The following PSD3 variants were observed in gnomAD, a reference collection of about 807,000 sequenced individuals.
The protein encoded by PSD3 is pleckstrin and Sec7 domain containing 3.
Under a neutral mutation model 105.5 loss-of-function variants are expected in PSD3, and 49 were observed. The ratio of observed to expected loss-of-function variants is 0.46; its 90% CI spans 0.37 to 0.59. The LOEUF (loss-of-function observed/expected upper bound fraction) is 0.59. Among genes scored for constraint, PSD3 ranks in the 20% least tolerant of loss-of-function variants. The pLI is 0.00. For missense variants in PSD3, 1,561 were observed against 1,263.8 expected (o/e 1.24, Z -3.57); for synonymous variants, 557 against 457.8 (o/e 1.22, Z -2.77).
At chr8:19,078,024 A>T (rs1325289811) in intron 1 of PSD3, among the ~76,000 whole-genome samples, 2 of 152,122 alleles carry the variant, frequency 1.3e-5, no homozygotes, top group Non-Finnish European at 2.9e-5. Flanking sequence ...ATAAATCTAC[A>T]AGGAAAAAAA....
rs201016537 is a variant in PSD3, at chr8:18,544,171, CAAAAAAAAAA to C, written c.2929-8223_2929-8214del. Reference sequence around the variant, plus strand: ...TACAATGGAAAACAAAGAAACAAACCAAAAAAAAAAAAAAAAAAAAAAAAAAACCAAACAA... The same window carrying C: ...TACAATGGAAAACAAAGAAACAAACCAAAAAAAAAAAAAAAAACCAAACAA... On this transcript the variant is annotated intron_variant, in intron 15 of 15. Coordinates refer to ENST00000327040, the MANE Select transcript of PSD3 (RefSeq NM_015310.4). Among the ~76,000 whole-genome samples, 22 of 106,692 alleles carry C rather than the reference CAAAAAAAAAA, an allele frequency of 2.1e-4. 1 individual carries two copies. The highest frequency in any genetic ancestry group is 1.5e-3 in the Admixed American group (18 of 11,888). 70.0% of individuals were successfully genotyped at this position (106,692 alleles called of 152,430 possible). A position where few individuals can be genotyped will look rare whatever the true frequency, so the allele number is the denominator to read the frequency against.
intron 9 of PSD3, among the ~76,000 whole-genome samples, chr8:18,755,290 C>T (rs888301971): frequency 4.6e-5 from 7 of 151,896 alleles, no homozygotes; most frequent in African/African-American, 1.7e-4. Flanking sequence ...ATTAGCCAGG[C>T]GTGGTGGCAC....
At chr8:18,976,810 G>T (rs111821009) in intron 1 of PSD3, among the ~76,000 whole-genome samples, 1 of 152,050 alleles carries the variant, frequency 6.6e-6, no homozygotes, top group Non-Finnish European at 1.5e-5. Flanking sequence ...CAATATTGCC[G>T]CATTGCTTGT....
chr8:18,914,244 T>A (rs1257859870), intron 2 of PSD3, among the ~76,000 whole-genome samples: 3 of 147,252 alleles, frequency 2.0e-5, no homozygotes, highest in African/African-American at 7.5e-5. Flanking sequence ...AAAGAAGGAA[T>A]GTACCTCAAC....
At chr8:18,859,398 G>A (rs1387131585) in intron 4 of PSD3, among the ~76,000 whole-genome samples, 2 of 152,060 alleles carry the variant, frequency 1.3e-5, no homozygotes, top group South Asian at 2.1e-4. Context: ...TTTGAGAAGG[G>A]AAAATGAGCA....
chr8:18,962,971 G>A (rs60791527), intron 1 of PSD3, among the ~76,000 whole-genome samples: 10,535 of 152,240 alleles, frequency 0.069, 868 homozygotes, highest in African/African-American at 0.2. Flanking sequence ...TTTTCACGCT[G>A]CTGATAAAGA....
intron 1 of PSD3, among the ~76,000 whole-genome samples, chr8:18,967,681 A>G (rs1439126175): frequency 6.6e-6 from 1 of 152,156 alleles, no homozygotes; most frequent in Admixed American, 6.5e-5. Context: ...AAATCAAGGA[A>G]AGGCAAATGA....
chr8:18,962,353 G>C (rs1333806071), intron 1 of PSD3, among the ~76,000 whole-genome samples: 1 of 152,126 alleles, frequency 6.6e-6, no homozygotes, highest in Non-Finnish European at 1.5e-5. Flanking sequence ...AAATTTAATA[G>C]CTTGTTGTAA....
intron 1 of PSD3, among the ~76,000 whole-genome samples, chr8:18,976,881 A>T (rs1372776026): frequency 6.6e-6 from 1 of 152,198 alleles, no homozygotes; most frequent in Non-Finnish European, 1.5e-5. Context: ...CAGTTAAACC[A>T]AAGTATACAA....
intron 1 of PSD3, among the ~76,000 whole-genome samples, chr8:18,994,041 G>A (rs1825939103): frequency 6.6e-6 from 1 of 151,938 alleles, no homozygotes. Flanking sequence ...GGACTGACTA[G>A]AGTTCCGTAT....
At chr8:18,823,303 G>A (rs997134098) in intron 4 of PSD3, among the ~76,000 whole-genome samples, 1 of 152,080 alleles carries the variant, frequency 6.6e-6, no homozygotes, top group Admixed American at 6.5e-5. Flanking sequence ...GACAGTCTAA[G>A]TTTTACATTT....
chr8:18,739,621 G>T (rs1240738801), intron 9 of PSD3, among the ~76,000 whole-genome samples: 1 of 151,886 alleles, frequency 6.6e-6, no homozygotes, highest in East Asian at 1.9e-4. Flanking sequence ...ATGGTCACAG[G>T]GCTCTAATTT....
At chr8:18,761,371 G>A (rs373821816) in intron 9 of PSD3, among the ~76,000 whole-genome samples, 2 of 152,144 alleles carry the variant, frequency 1.3e-5, no homozygotes, top group Non-Finnish European at 2.9e-5. Flanking sequence ...GGAAGGGATA[G>A]GGTCCTTCCA....
intron 9 of PSD3, among the ~76,000 whole-genome samples, chr8:18,699,558 C>T (rs1044424332): frequency 1.3e-5 from 2 of 152,250 alleles, no homozygotes; most frequent in East Asian, 3.9e-4. Flanking sequence ...TTTGACTAAC[C>T]TTCTACTCAC....
chr8:18,908,657 A>T (rs150710080), intron 2 of PSD3, among the ~76,000 whole-genome samples: 40 of 152,314 alleles, frequency 2.6e-4, no homozygotes, highest in African/African-American at 9.6e-4. Context: ...GCATGAAACA[A>T]GTCATCTGTT....
chr8:18,782,481 T>C (rs1447545731), intron 8 of PSD3, among the ~76,000 whole-genome samples: 1 of 152,210 alleles, frequency 6.6e-6, no homozygotes, highest in Non-Finnish European at 1.5e-5. Context: ...GATAAAGCTG[T>C]GGCTTTTAGT....
intron 12 of PSD3, among the ~76,000 whole-genome samples, chr8:18,589,222 T>C (rs1431829373): frequency 6.6e-6 from 1 of 152,122 alleles, no homozygotes; most frequent in East Asian, 1.9e-4. Context: ...AACAAGCTTA[T>C]AGACTCCATA....
intron 11 of PSD3, among the ~76,000 whole-genome samples, chr8:18,614,656 A>T (rs1036020869): frequency 6.6e-6 from 1 of 152,128 alleles, no homozygotes; most frequent in Non-Finnish European, 1.5e-5. Flanking sequence ...AACAAATGAC[A>T]TTTCATATAC....
rs751108573 is a variant in PSD3, at chr8:18,872,485, T to C, written c.379A>G (p.Ser127Gly). 6.2e-7 allele frequency: 1 copy of C among 1,614,188 alleles called. No individual in the cohort carries two copies. The highest frequency in any genetic ancestry group is 1.1e-5 in the South Asian group (1 of 91,082). Residue 127 changes from serine to glycine, a missense_variant, in exon 3 of 16, where the codon AGT (serine) becomes GGT (glycine). Ser to Gly is a moderately conservative substitution (Grantham distance 56). Transcript: ENST00000327040. Reference sequence around the variant, plus strand: ...ATCAAAGAGTCAATGGGCTGTAAACTTTGTTCCTTGAGATGACTTTGAGAG... The same window carrying C: ...ATCAAAGAGTCAATGGGCTGTAAACCTTGTTCCTTGAGATGACTTTGAGAG... The part of the protein sequence containing the change: ...APSQSHLKEQ[S>G]LQPIDSLISA...
Sources: allele counts gnomAD v4.1 joint callset (sites outside exome capture counted in the v4.1 genomes callset), GRCh38; gene constraint gnomAD v4.1.1; transcripts MANE v1.5; gene names NCBI Gene and HGNC (gene_info 2026-07-23, HGNC 2026-07-21).